The following KCNQ5 variants were observed in gnomAD, a reference collection of about 807,000 sequenced individuals.
The protein encoded by KCNQ5 is potassium voltage-gated channel subfamily Q member 5, also known as potassium voltage-gated channel subfamily KQT member 5.
A neutral mutation model predicts 98.2 loss-of-function variants in KCNQ5; 30 were observed. The ratio of observed to expected loss-of-function variants is 0.31; its 90% CI spans 0.23 to 0.41. KCNQ5 has a LOEUF of 0.41. Among genes scored for constraint, KCNQ5 ranks in the 10% least tolerant of loss-of-function variants. KCNQ5 has a pLI of 1.00. For synonymous variants in KCNQ5, 458 were observed against 449.4 expected (o/e 1.02, Z -0.24); for missense variants, 835 against 1,182.5 (o/e 0.71, Z 4.31).
chr6:72,688,447 G>C (rs1037972207), intron 1 of KCNQ5, among the ~76,000 whole-genome samples: 2 of 152,012 alleles, frequency 1.3e-5, no homozygotes, highest in Non-Finnish European at 2.9e-5. Flanking sequence ...TGAAGAAACT[G>C]GTCCAAATTA....
chr6:72,868,424 A>C (rs551134141), intron 1 of KCNQ5, among the ~76,000 whole-genome samples: 1 of 152,270 alleles, frequency 6.6e-6, no homozygotes, highest in East Asian at 1.9e-4. Flanking sequence ...ACTTAATAGA[A>C]ATTTCATTCT....
At chr6:73,173,588 A>G (rs1778094424) in intron 11 of KCNQ5, among the ~76,000 whole-genome samples, 1 of 152,206 alleles carries the variant, frequency 6.6e-6, no homozygotes, top group Non-Finnish European at 1.5e-5. Context: ...TTGGCTTTGT[A>G]GTCATTACAT....
At chr6:72,849,644 A>T (rs986763686) in intron 1 of KCNQ5, among the ~76,000 whole-genome samples, 2 of 152,204 alleles carry the variant, frequency 1.3e-5, no homozygotes, top group Non-Finnish European at 2.9e-5. Context: ...GCAAGCAGAC[A>T]GAAATAAAAA....
chr6:72,788,323 C>A (rs947752235), intron 1 of KCNQ5, among the ~76,000 whole-genome samples: 4 of 152,212 alleles, frequency 2.6e-5, no homozygotes, highest in Non-Finnish European at 5.9e-5. Flanking sequence ...GGGAAGATCC[C>A]TTTGCCTGTA....
chr6:72,742,616 A>G (rs183791329), intron 1 of KCNQ5, among the ~76,000 whole-genome samples: 3 of 152,320 alleles, frequency 2.0e-5, no homozygotes, highest in Middle Eastern at 3.4e-3. Flanking sequence ...ACTAATATCT[A>G]TTAATACTCT....
rs1295548240 is a variant in KCNQ5, at chr6:72,801,405, T to G, written c.398+178818T>G. 5.9e-3 allele frequency among the ~76,000 whole-genome samples: 784 copies of G among 132,508 alleles called. 10 individuals carry two copies. The highest frequency in any genetic ancestry group is 0.042 in the East Asian group (200 of 4,708). 86.9% of individuals were successfully genotyped at this position (132,508 alleles called of 152,430 possible). On this transcript the variant is annotated intron_variant, in intron 1 of 13. Transcript: ENST00000370398. ...ATGGCCTTCTTTGTCTCTTTTGATC[T>G]TTGTTGGTTTAAAGTCTGTTTTATC...
At chr6:72,720,667 A>C (rs1769909100) in intron 1 of KCNQ5, among the ~76,000 whole-genome samples, 1 of 152,192 alleles carries the variant, frequency 6.6e-6, no homozygotes, top group African/African-American at 2.4e-5. Flanking sequence ...AGTCATAATT[A>C]CTATATTCAT....
chr6:73,007,565 A>C (rs1218730723), intron 2 of KCNQ5, among the ~76,000 whole-genome samples: 1 of 152,216 alleles, frequency 6.6e-6, no homozygotes, highest in Non-Finnish European at 1.5e-5. Flanking sequence ...AGGAAGGCTT[A>C]GATGGTAAGT....
chr6:73,156,979 G>A (rs2027544), intron 10 of KCNQ5, among the ~76,000 whole-genome samples: 110,379 of 152,014 alleles, frequency 0.73, 41,133 homozygotes, highest in East Asian at 0.89. Context: ...GGGGCCACGG[G>A]GCTGGGGGCT....
At chr6:72,845,677 A>G (rs943405848) in intron 1 of KCNQ5, among the ~76,000 whole-genome samples, 1 of 152,202 alleles carries the variant, frequency 6.6e-6, no homozygotes, top group Non-Finnish European at 1.5e-5. Flanking sequence ...ACCTTGATAA[A>G]TCTGTGAAGG....
At chr6:73,070,861 C>G (rs1444398148) in intron 3 of KCNQ5, among the ~76,000 whole-genome samples, 2 of 152,142 alleles carry the variant, frequency 1.3e-5, no homozygotes, top group Non-Finnish European at 2.9e-5. Flanking sequence ...AAGGGAAGCA[C>G]ATATCTGTGG....
intron 1 of KCNQ5, among the ~76,000 whole-genome samples, chr6:72,782,537 T>G (rs1004858027): frequency 2.6e-5 from 4 of 152,296 alleles, no homozygotes; most frequent in Middle Eastern, 3.4e-3. Context: ...TGGTTGTTGT[T>G]TTGATGAATT....
intron 1 of KCNQ5, among the ~76,000 whole-genome samples, chr6:72,817,980 G>T (rs888632703): frequency 6.6e-6 from 1 of 152,058 alleles, no homozygotes; most frequent in African/African-American, 2.4e-5. Context: ...CCCATTAAAT[G>T]AATGCTTAAA....
chr6:72,828,221 T>C (rs1389721727), intron 1 of KCNQ5, among the ~76,000 whole-genome samples: 1 of 152,094 alleles, frequency 6.6e-6, no homozygotes, highest in East Asian at 1.9e-4. Flanking sequence ...GAGTCCTTTG[T>C]GGCTCTATTC....
intron 1 of KCNQ5, among the ~76,000 whole-genome samples, chr6:72,892,299 C>T (rs1464278975): frequency 6.6e-6 from 1 of 152,164 alleles, no homozygotes; most frequent in Non-Finnish European, 1.5e-5. Flanking sequence ...GCTCTTACTG[C>T]TCTAGGTTAT....
At chr6:73,150,947 G>A (rs1327863965) in intron 10 of KCNQ5, among the ~76,000 whole-genome samples, 1 of 151,738 alleles carries the variant, frequency 6.6e-6, no homozygotes, top group Non-Finnish European at 1.5e-5. Context: ...AGGAGGTGTG[G>A]CTCTAAAAGG....
chr6:73,045,510 C>T (rs117189064), intron 3 of KCNQ5, among the ~76,000 whole-genome samples: 1,605 of 152,226 alleles, frequency 0.011, 12 homozygotes, highest in Middle Eastern at 0.085. Flanking sequence ...TGTGGATAGT[C>T]AAGTGTGTTT....
At chr6:72,987,101 G>A in intron 1 of KCNQ5, 2 of 660,826 alleles carry the variant, frequency 3.0e-6, no homozygotes, top group South Asian at 3.5e-5. Flanking sequence ...CAAAGTTGAG[G>A]CTCCGGAATA....
intron 10 of KCNQ5, among the ~76,000 whole-genome samples, chr6:73,166,666 A>G: frequency 6.6e-6 from 1 of 152,172 alleles, no homozygotes; most frequent in African/African-American, 2.4e-5. Context: ...ACAGAAGTGT[A>G]TTATCTCACA....
Sources: allele counts gnomAD v4.1 joint callset (sites outside exome capture counted in the v4.1 genomes callset), GRCh38; gene constraint gnomAD v4.1.1; transcripts MANE v1.5; gene names NCBI Gene and HGNC (gene_info 2026-07-23, HGNC 2026-07-21).